The following ADAMTS18 variants were observed in gnomAD, a reference collection of about 807,000 sequenced individuals.
ADAMTS18 encodes A disintegrin and metalloproteinase with thrombospondin motifs 18.
In ADAMTS18, 157 loss-of-function variants were observed where a neutral mutation model predicts 165.9. The ratio of observed to expected loss-of-function variants is 0.95; its 90% CI spans 0.83 to 1.08. ADAMTS18 has a LOEUF of 1.08. ADAMTS18 is among the 50% of genes least tolerant of loss of function. The pLI is 0.00. For synonymous variants in ADAMTS18, 782 were observed against 578.2 expected, an observed-to-expected ratio of 1.35 and a Z score of -5.06; for missense variants, 2,040 against 1,534.0, an observed-to-expected ratio of 1.33 and a Z score of -5.51.
At chr16:77,431,247 A>T in intron 3 of ADAMTS18, 48 bp downstream of exon 3, 1 of 1,603,700 alleles carries the variant, frequency 6.2e-7, no homozygotes, top group Non-Finnish European at 8.5e-7. Context: ...CATTCAAGTT[A>T]CACAAAACAC....
intron 19 of ADAMTS18, among the ~76,000 whole-genome samples, chr16:77,293,672 T>C (rs1284464045): frequency 1.3e-5 from 2 of 151,450 alleles, no homozygotes; most frequent in Non-Finnish European, 1.5e-5. Context: ...TGCAGAACAC[T>C]GTATTTCCAT....
In ADAMTS18 at chr16:77,319,935, C is replaced by G; in HGVS notation, c.2446G>C (p.Gly816Arg). 6.2e-7 allele frequency: 1 copy of G among 1,614,200 alleles called. No individual in the cohort carries two copies. Among genetic ancestry groups the G allele is most frequent in the Non-Finnish European group, 8.5e-7 (1 of 1,180,040 alleles). Residue 816 changes from glycine (G) to arginine (R), a missense_variant, in exon 16 of 23, where the codon GGG becomes CGG. Transcript: ENST00000282849. ...GAGCGCTGGTATTCAAACGTGGTCCCAGCGAAGGGGAACTCCCCAGGCCAG... is the reference window on the plus strand; with the variant it reads ...GAGCGCTGGTATTCAAACGTGGTCCGAGCGAAGGGGAACTCCCCAGGCCAG... ...IDWPGEFPFA[G>R]TTFEYQRSFN... is the part of the protein sequence containing the mutation.
intron 3 of ADAMTS18, among the ~76,000 whole-genome samples, chr16:77,424,735 G>A (rs1024644370): frequency 2.6e-5 from 4 of 152,170 alleles, no homozygotes; most frequent in Non-Finnish European, 5.9e-5. Context: ...TTGATGAAAT[G>A]AGTAATAGCC....
At chr16:77,356,391 A>G (rs372366722) in intron 8 of ADAMTS18, among the ~76,000 whole-genome samples, 2 of 152,322 alleles carry the variant, frequency 1.3e-5, no homozygotes, top group East Asian at 3.9e-4. Context: ...AAAGTGATGG[A>G]ACAGCCAAAT....
In ADAMTS18 at chr16:77,431,601, A is replaced by C; in HGVS notation, c.189T>G (p.Phe63Leu). The part of the protein sequence containing the change: ...GASGLNDDYV[F>L]VTPVEVDSAG... The stretch of plus-strand genomic sequence containing the variant: ...CTGAGTCTACTTCTACTGGCGTGAC[A>C]AAGACGTAATCTGCAATGGGAAAAG... Residue 63 changes from phenylalanine to leucine, a missense_variant, in exon 3 of 23, where the codon TTT (phenylalanine) becomes TTG (leucine). Physicochemically the swap from Phe to Leu is conservative, Grantham distance 22. Transcript: ENST00000282849. 6.2e-7 allele frequency: 1 copy of C among 1,614,018 alleles called. No individual in the cohort carries two copies. Among genetic ancestry groups the C allele is most frequent in the Non-Finnish European group, 8.5e-7 (1 of 1,179,970 alleles).
intron 6 of ADAMTS18, among the ~76,000 whole-genome samples, chr16:77,363,297 T>G (rs904960078): frequency 2.6e-5 from 4 of 152,184 alleles, no homozygotes; most frequent in African/African-American, 9.7e-5. Context: ...GTTTATTCCC[T>G]GTATTACCTA....
At chr16:77,300,977 C>A (rs2055571415) in intron 16 of ADAMTS18, among the ~76,000 whole-genome samples, 1 of 152,142 alleles carries the variant, frequency 6.6e-6, no homozygotes, top group African/African-American at 2.4e-5. Flanking sequence ...AAATGTGTTT[C>A]CAATATACTT....
At chr16:77,319,528 G>T (rs1226505629) in intron 16 of ADAMTS18, among the ~76,000 whole-genome samples, 1 of 152,060 alleles carries the variant, frequency 6.6e-6, no homozygotes, top group Non-Finnish European at 1.5e-5. Flanking sequence ...TGCAACTTCC[G>T]CCTCCTAGGT....
intron 3 of ADAMTS18, among the ~76,000 whole-genome samples, chr16:77,426,926 A>G (rs2057680650): frequency 6.6e-6 from 1 of 152,152 alleles, no homozygotes; most frequent in African/African-American, 2.4e-5. Context: ...AGTTGGGAGT[A>G]TTGCTTAAGC....
At chr16:77,306,065 G>A (rs979248337) in intron 16 of ADAMTS18, among the ~76,000 whole-genome samples, 12 of 152,140 alleles carry the variant, frequency 7.9e-5, no homozygotes, top group African/African-American at 2.2e-4. Context: ...ACCCCGTGCC[G>A]CATGTCGGAG....
chr16:77,303,761 C>T (rs1000508616), intron 16 of ADAMTS18, among the ~76,000 whole-genome samples: 15 of 152,130 alleles, frequency 9.9e-5, no homozygotes, highest in African/African-American at 3.4e-4. Context: ...GGGCCGGACG[C>T]GGGGGCTCGC....
chr16:77,321,647 G>C (rs1269721809), intron 14 of ADAMTS18, among the ~76,000 whole-genome samples: 1 of 152,158 alleles, frequency 6.6e-6, no homozygotes, highest in Non-Finnish European at 1.5e-5. Context: ...GGGAAAAATA[G>C]TATTTCAAAA....
chr16:77,406,642 A>T (rs2057396463), intron 3 of ADAMTS18, among the ~76,000 whole-genome samples: 1 of 152,134 alleles, frequency 6.6e-6, no homozygotes, highest in African/African-American at 2.4e-5. Context: ...TCATTCTACC[A>T]AAAAGACACA....
intron 12 of ADAMTS18, among the ~76,000 whole-genome samples, chr16:77,329,586 C>T (rs1459485272): frequency 6.6e-6 from 1 of 151,970 alleles, no homozygotes; most frequent in Non-Finnish European, 1.5e-5. Context: ...TTTTTAAATG[C>T]CTTATGCTTT....
At chr16:77,430,819 G>C (rs553346165) in intron 3 of ADAMTS18, among the ~76,000 whole-genome samples, 1 of 152,178 alleles carries the variant, frequency 6.6e-6, no homozygotes, top group Non-Finnish European at 1.5e-5. Flanking sequence ...ATGTGAGCAG[G>C]ACACCAGCAA....
intron 3 of ADAMTS18, among the ~76,000 whole-genome samples, chr16:77,383,000 A>G (rs902983238): frequency 6.6e-6 from 1 of 152,284 alleles, no homozygotes; most frequent in South Asian, 2.1e-4. Context: ...CCCTCCTCCA[A>G]TCCTTCTTTG....
intron 3 of ADAMTS18, among the ~76,000 whole-genome samples, chr16:77,403,205 T>C (rs2115419): frequency 1.3e-5 from 2 of 151,956 alleles, no homozygotes; most frequent in Non-Finnish European, 2.9e-5. Context: ...GGAAAGAAAA[T>C]AATTAATTAT....
intron 2 of ADAMTS18, among the ~76,000 whole-genome samples, chr16:77,432,867 C>T (rs1006324084): frequency 5.9e-5 from 9 of 152,150 alleles, no homozygotes; most frequent in African/African-American, 2.2e-4. Flanking sequence ...GAATTCTCCA[C>T]AATAGACAAT....
chr16:77,393,873 G>A (rs1268397270), intron 3 of ADAMTS18, among the ~76,000 whole-genome samples: 1 of 152,164 alleles, frequency 6.6e-6, no homozygotes, highest in Non-Finnish European at 1.5e-5. Flanking sequence ...TTCTTCAACT[G>A]TCCTTTGACA....
Sources: gnomAD v4.1 joint callset for allele counts (sites outside exome capture counted in the v4.1 genomes callset) on GRCh38, gnomAD v4.1.1 for gene constraint, MANE v1.5 for transcripts, NCBI Gene and HGNC (gene_info 2026-07-23, HGNC 2026-07-21) for gene names.